The following UBR4 variants were observed in gnomAD, a reference collection of about 807,000 sequenced individuals.
UBR4 encodes the protein ubiquitin protein ligase E3 component n-recognin 4, also known as E3 ubiquitin-protein ligase UBR4.
A neutral mutation model predicts 575.6 loss-of-function variants in UBR4; 124 were observed. That is an observed-to-expected ratio of 0.22 (90% CI 0.19 to 0.25). The LOEUF (loss-of-function observed/expected upper bound fraction) is 0.25. UBR4 is among the 10% of genes least tolerant of loss of function. The pLI is 1.00. For missense variants in UBR4, 4,818 were observed against 6,478.8 expected (o/e 0.74, Z 8.80); for synonymous variants, 2,455 against 2,473.7 (o/e 0.99, Z 0.22).
At chr1:19,080,693 C>T (rs1337368481) in intron 103 of UBR4, 1 of 152,180 alleles carries the variant, frequency 6.6e-6, no homozygotes. Context: ...TGAGTGGTAC[C>T]CATGGGGTCT....
At position 19,121,901 on chromosome 1, in the gene UBR4, A is replaced by G. The variant is rs758653193; in HGVS notation, c.9895+33T>C. 9.3e-6 allele frequency: 15 copies of G among 1,612,908 alleles called. No individual in the cohort carries two copies. In the East Asian group the frequency reaches 1.1e-4, roughly 12 times the overall value. ...GCCTTAACAGTTCCTGAATGAATGA[A>G]TAACAGCAATCAAAAGGAGCAGCAT... is the stretch of plus-strand genomic sequence containing the variant. On this transcript the variant is annotated intron_variant, in intron 67 of 105. Transcript: ENST00000375254.
chr1:19,162,506 C>T lies in UBR4; in HGVS notation c.4870G>A (p.Asp1624Asn). 6.2e-7 allele frequency: 1 copy of T among 1,614,140 alleles called. No individual in the cohort carries two copies. Among genetic ancestry groups the T allele is most frequent in the Non-Finnish European group, 8.5e-7 (1 of 1,179,988 alleles). ...NGQGPSHLSV[D>N]GEERAIEVDS... is the part of the protein sequence containing the mutation. Reference sequence around the variant, plus strand: ...ACTTCAATGGCCCGCTCTTCCCCATCCACTGAGAGATGACTTGGGCCTTGA... The same window carrying T: ...ACTTCAATGGCCCGCTCTTCCCCATTCACTGAGAGATGACTTGGGCCTTGA... The change falls in exon 35 of 106, where the codon GAT (aspartate) becomes AAT (asparagine). Residue 1624 changes from aspartate to asparagine, a missense_variant. Transcript: ENST00000375254.
At chr1:19,154,889 G>A (rs2086238896) in intron 44 of UBR4, 29 bp downstream of exon 44, 1 of 1,613,500 alleles carries the variant, frequency 6.2e-7, no homozygotes, top group African/African-American at 1.3e-5. Flanking sequence ...GGACATTGCG[G>A]AAGTTGAACA....
intron 77 of UBR4, chr1:19,113,141 T>C (rs549652115): frequency 1.2e-5 from 5 of 412,484 alleles, no homozygotes; most frequent in Non-Finnish European, 2.2e-5. Context: ...AAGACAAAGG[T>C]CAGAAGCTAA....
intron 39 of UBR4, among the ~76,000 whole-genome samples, chr1:19,159,223 C>T (rs1382164287): frequency 6.6e-6 from 1 of 152,130 alleles, no homozygotes; most frequent in Non-Finnish European, 1.5e-5. Context: ...TTGGAATCGC[C>T]ACCACTTTAC....
At chr1:19,112,917 G>A in intron 77 of UBR4, 50 bp from the exon 78 acceptor site, 1 of 1,501,078 alleles carries the variant, frequency 6.7e-7, no homozygotes, top group Non-Finnish European at 8.9e-7. Flanking sequence ...AAAATAAGAA[G>A]AGGATGTTAA....
rs756279310 is a variant in UBR4 at position 19,177,470 on chromosome 1, T to A, written c.2628A>T (p.Leu876=). The change falls in exon 19 of 106, where the codon CTA becomes CTT. Residue 876 remains leucine (L), a synonymous_variant. Transcript: ENST00000375254. ...ACGTGTTGGTCTGTACCTGCTCAAA[T>A]AGATACACAGGGGCTTTGGAGTACT... ...LHQYSKAPVY[L]FEQVQHNLLS... is the part of the protein sequence containing the mutation. 1.6e-5 allele frequency: 26 copies of A among 1,613,830 alleles called. No individual in the cohort carries two copies. Among genetic ancestry groups the A allele is most frequent in the Non-Finnish European group, 2.1e-5 (25 of 1,179,872 alleles).
chr1:19,177,692 C>T lies in UBR4; in HGVS notation c.2406G>A (p.Glu802=). 1 of 1,613,994 alleles carries T rather than the reference C, an allele frequency of 6.2e-7. No individual in the cohort carries two copies. The highest frequency in any genetic ancestry group is 8.5e-7 in the Non-Finnish European group (1 of 1,179,988). The change falls in exon 19 of 106, where the codon GAG becomes GAA. Residue 802 remains glutamate, a synonymous_variant. Coordinates refer to ENST00000375254, the MANE Select transcript of UBR4 (RefSeq NM_020765.3). ...GGTGTTCTACATTCAGATCCTCTGT[C>T]TCACTGGGCACCACACCTTGCAGGG... is the stretch of plus-strand genomic sequence containing the variant. The part of the protein sequence containing the change: ...QNALQGVVPS[E]TEDLNVEHLQ...
chr1:19,113,783 A>G lies in UBR4; in HGVS notation c.11373T>C (p.Ser3791=). 1.9e-6 allele frequency: 3 copies of G among 1,614,198 alleles called. No individual in the cohort carries two copies. The highest frequency in any genetic ancestry group is 2.5e-6 in the Non-Finnish European group (3 of 1,180,024). Residue 3791 remains serine, a synonymous_variant, in exon 77 of 106, where the codon AGT becomes AGC. Transcript: ENST00000375254. ...CCAACTGCAGGATGTAACGATTCACACTGGCAGAAGTGGAGCTGATGCCCC... is the reference window on the plus strand; with the variant it reads ...CCAACTGCAGGATGTAACGATTCACGCTGGCAGAAGTGGAGCTGATGCCCC... ...TAGGISSTSA[S]VNRYILQLAQ...
At chr1:19,188,522 C>T (rs984889396) in intron 11 of UBR4, among the ~76,000 whole-genome samples, 2 of 152,142 alleles carry the variant, frequency 1.3e-5, no homozygotes, top group Non-Finnish European at 2.9e-5. Flanking sequence ...CTACTGCACT[C>T]CAACCTGGGC....
In UBR4 at chr1:19,197,990, C is replaced by A; in HGVS notation, c.708G>T (p.Lys236Asn). 6.2e-7 allele frequency: 1 copy of A among 1,614,156 alleles called. No individual in the cohort carries two copies. The highest frequency in any genetic ancestry group is 1.1e-5 in the South Asian group (1 of 91,080). ...STDQASAIKT[K>N]NVFIAQNVAS... The stretch of plus-strand genomic sequence containing the variant: ...CCACGTTCTGAGCTATGAACACATT[C>A]TTGGTTTTGATAGCTGAGGCTTGAT... Residue 236 changes from lysine (K) to asparagine (N), a missense_variant, in exon 6 of 106, where the codon AAG becomes AAT. Physicochemically the swap from Lys to Asn is moderately conservative, Grantham distance 94. This residue lies in a region of UBR4 where 83 missense variants were observed against 77.3 expected (regional missense o/e 1.07). Coordinates refer to ENST00000375254, the MANE Select transcript of UBR4 (RefSeq NM_020765.3).
intron 17 of UBR4, among the ~76,000 whole-genome samples, chr1:19,180,378 G>A (rs907274871): frequency 4.0e-5 from 6 of 151,528 alleles, no homozygotes; most frequent in South Asian, 2.1e-4. Flanking sequence ...TAGTAGAGAC[G>A]GGGTTTCACA....
In UBR4 at chr1:19,165,288, T is replaced by C; in HGVS notation, c.4273A>G (p.Asn1425Asp). Residue 1425 changes from asparagine (N) to aspartate (D), a missense_variant, in exon 31 of 106, where the codon AAC becomes GAC. Asn to Asp is a conservative substitution (Grantham distance 23). Coordinates refer to ENST00000375254, the MANE Select transcript of UBR4 (RefSeq NM_020765.3). ...TTGGTGAAGAATTTCAAAACTCGGT[T>C]ACAGAATTTAGCAGAGAGGTTCTCA... ...ANENLSAKFC[N>D]RVLKFFTKLF... The C allele has an allele frequency of 6.2e-7, 1 of 1,614,238 alleles. No homozygotes were observed. The highest frequency in any genetic ancestry group is 8.5e-7 in the Non-Finnish European group (1 of 1,180,038).
In UBR4 at chr1:19,171,018, T is replaced by C. The variant is rs1250748310; in HGVS notation, c.3522-135A>G. 8 of 1,217,150 alleles carry C rather than the reference T, an allele frequency of 6.6e-6. No individual in the cohort carries two copies. The East Asian group carries it at 1.8e-4, about 27-fold the overall frequency. The allele number at this position is 1,217,150 out of a possible 1,614,324, so 75.4% of individuals were successfully genotyped here. On this transcript the variant is annotated intron_variant, in intron 25 of 105. Coordinates refer to ENST00000375254, the MANE Select transcript of UBR4 (RefSeq NM_020765.3). ...TAATGTAGTTGATAGTGCCTGCCCC[T>C]TCCTGGTCTCTAAGAATTCCAATGG...
chr1:19,123,151 T>A (rs2081353784), intron 65 of UBR4, 91 bp from the exon 66 acceptor site: 2 of 1,408,166 alleles, frequency 1.4e-6, no homozygotes, highest in African/African-American at 2.9e-5. Flanking sequence ...TAATAAACTG[T>A]TATTAAAAGC....
intron 100 of UBR4, 55 bp from the exon 101 acceptor site, chr1:19,086,325 G>A (rs1403803949): frequency 1.8e-5 from 24 of 1,333,498 alleles, no homozygotes; most frequent in Non-Finnish European, 2.2e-5. Flanking sequence ...GTGGCAACCA[G>A]GCACCTGGGC....
At chr1:19,105,632 A>G (rs1045964085) in intron 84 of UBR4, 101 bp downstream of exon 84, 1 of 879,558 alleles carries the variant, frequency 1.1e-6, no homozygotes, top group Non-Finnish European at 1.7e-6. Context: ...TTCTACCCAG[A>G]GGTGTGCCTC....
chr1:19,127,570 C>T, intron 63 of UBR4, 53 bp downstream of exon 63: 1 of 1,446,928 alleles, frequency 6.9e-7, no homozygotes, highest in Non-Finnish European at 9.7e-7. Flanking sequence ...CCTAGCACTA[C>T]CCAGACAATC....
rs751873026 is a variant in UBR4 at position 19,173,489 on chromosome 1, G to A, written c.3115C>T (p.Leu1039=). 1.2e-5 allele frequency: 20 copies of A among 1,614,040 alleles called. No individual in the cohort carries two copies. The Admixed American group carries it at 3.0e-4, about 24-fold the overall frequency. ...ATCCGGAGCCGAGAAGACCATCGCA[G>A]AGTGTGCAAGATGTCACATTCGCTC... The part of the protein sequence containing the change: ...EMSECDILHT[L]RWSSRLRISS... Residue 1039 remains leucine (L), a synonymous_variant, in exon 23 of 106, where the codon CTG becomes TTG. Coordinates refer to ENST00000375254, the MANE Select transcript of UBR4 (RefSeq NM_020765.3).
Sources: gnomAD v4.1 joint callset for allele counts (sites outside exome capture counted in the v4.1 genomes callset) on GRCh38, gnomAD v4.1.1 for gene constraint, gnomAD v4.1.1 regional missense constraint, MANE v1.5 for transcripts, NCBI Gene and HGNC (gene_info 2026-07-23, HGNC 2026-07-21) for gene names.